The following PREX1 variants were observed in gnomAD, a reference collection of about 807,000 sequenced individuals.
PREX1 encodes the protein phosphatidylinositol-3,4,5-trisphosphate dependent Rac exchange factor 1.
In PREX1, 41 loss-of-function variants were observed where a neutral mutation model predicts 198.3. The observed-to-expected ratio is 0.21, with a 90% CI of 0.16 to 0.27. The LOEUF is 0.27. PREX1 is among the 10% of genes least tolerant of loss of function. The probability of loss-of-function intolerance (pLI) is 1.00; values close to 1 mark genes in which losing one functional copy is unlikely to be tolerated. For synonymous variants in PREX1, 843 were observed against 887.2 expected, an observed-to-expected ratio of 0.95 and a Z score of 0.89; for missense variants, 1,620 against 2,200.7, an observed-to-expected ratio of 0.74 and a Z score of 5.28.
At position 48,654,062 on chromosome 20, in the gene PREX1, G is replaced by A. The variant is rs552612666; in HGVS notation, c.2210-565C>T. 1.2e-4 allele frequency among the ~76,000 whole-genome samples: 19 copies of A among 152,362 alleles called. No individual in the cohort carries two copies. In the South Asian group the frequency reaches 3.9e-3, roughly 32 times the overall value. On this transcript the variant is annotated intron_variant, in intron 19 of 39. Coordinates refer to ENST00000371941, the MANE Select transcript of PREX1 (RefSeq NM_020820.4). ...TGGGGCAATACCAGGCCTGAATGGT[G>A]TGGTGGTGCCAAGTACAGCCCCTGG... is the stretch of plus-strand genomic sequence containing the variant.
chr20:48,882,343 A>C, the PREX1 span, among the ~76,000 whole-genome samples: 1 of 151,738 alleles, frequency 6.6e-6, no homozygotes, highest in Non-Finnish European at 1.5e-5. Flanking sequence ...TCTACTAAAA[A>C]TACAAAAAAT....
chr20:48,679,291 T>C (rs927041545), intron 13 of PREX1, 69 bp downstream of exon 13: 1 of 1,423,052 alleles, frequency 7.0e-7, no homozygotes, highest in Admixed American at 1.8e-5. Context: ...AGAGGTTAAG[T>C]TGCCAGCCCA....
At position 48,735,886 on chromosome 20, in the gene PREX1, G is replaced by A. The variant is rs1040131368; in HGVS notation, c.415-1236C>T. On this transcript the variant is annotated intron_variant, in intron 3 of 39. Transcript: ENST00000371941. ...ATGGGAGTGGGAGGCAAATACCCAG[G>A]GTACAAATTTCAAGCCACAAATCTA... 4.6e-5 allele frequency among the ~76,000 whole-genome samples: 7 copies of A among 152,036 alleles called. No homozygotes were observed. The East Asian group carries it at 1.3e-3, about 29-fold the overall frequency.
intron 26 of PREX1, 65 bp downstream of exon 26, chr20:48,645,786 G>C: frequency 6.5e-7 from 1 of 1,537,968 alleles, no homozygotes; most frequent in Non-Finnish European, 8.9e-7. Flanking sequence ...GTTGCCACGG[G>C]TCCGTGGCCT....
chr20:48,878,443 G>A, the PREX1 span, among the ~76,000 whole-genome samples: 5 of 151,936 alleles, frequency 3.3e-5, no homozygotes, highest in African/African-American at 4.8e-5. Context: ...TGGTTCAAAC[G>A]ATTCTCCTGC....
chr20:48,780,334 G>T (rs2090282899), intron 1 of PREX1, among the ~76,000 whole-genome samples: 1 of 152,242 alleles, frequency 6.6e-6, no homozygotes, highest in Middle Eastern at 3.4e-3. Flanking sequence ...ATGCTCAAAA[G>T]AGACCAGGTG....
chr20:48,751,118 C>A (rs183638330), intron 1 of PREX1, among the ~76,000 whole-genome samples: 5 of 152,210 alleles, frequency 3.3e-5, no homozygotes, highest in Non-Finnish European at 7.3e-5. Flanking sequence ...GTTTGGAATG[C>A]GCCTGGCACA....
intron 30 of PREX1, among the ~76,000 whole-genome samples, chr20:48,638,956 T>C (rs1359177860): frequency 3.3e-5 from 5 of 152,258 alleles, no homozygotes; most frequent in African/African-American, 1.2e-4. Flanking sequence ...ACAGGACAGA[T>C]CAGAAGCAGC....
At chr20:48,800,162 C>T (rs775729228) in intron 1 of PREX1, among the ~76,000 whole-genome samples, 2 of 152,196 alleles carry the variant, frequency 1.3e-5, no homozygotes, top group Non-Finnish European at 2.9e-5. Flanking sequence ...AATCACCCCA[C>T]GTTTTACAAG....
chr20:48,672,290 G>A (rs187979423), intron 14 of PREX1, among the ~76,000 whole-genome samples: 77 of 152,300 alleles, frequency 5.1e-4, no homozygotes, highest in African/African-American at 1.6e-3. Context: ...CACCTGCAAC[G>A]CCCTACTCAC....
rs1239068195 is a variant in PREX1 at position 48,630,709 on chromosome 20, G to A, written c.4593+19C>T. ...CACCCTGCCCAAGCTCCCTGCAGCA[G>A]GAGGGCACGTGGACATACCTGGTCT... On this transcript the variant is annotated intron_variant, in intron 36 of 39. Coordinates refer to ENST00000371941, the MANE Select transcript of PREX1 (RefSeq NM_020820.4). The A allele has an allele frequency of 1.9e-6, 3 of 1,564,376 alleles. No individual in the cohort carries two copies. In the Admixed American group the frequency reaches 5.0e-5, roughly 26 times the overall value.
chr20:48,716,762 C>T (rs1355851605), intron 5 of PREX1, among the ~76,000 whole-genome samples: 1 of 152,164 alleles, frequency 6.6e-6, no homozygotes, highest in Admixed American at 6.5e-5. Flanking sequence ...GGGCCTCAGG[C>T]TGGGACTTCC....
At chr20:48,793,267 A>G (rs2090346686) in intron 1 of PREX1, among the ~76,000 whole-genome samples, 1 of 152,196 alleles carries the variant, frequency 6.6e-6, no homozygotes, top group South Asian at 2.1e-4. Context: ...GGATTGGGGA[A>G]GTGGAATAAT....
intron 1 of PREX1, among the ~76,000 whole-genome samples, chr20:48,761,707 T>C (rs956247745): frequency 9.2e-5 from 14 of 152,174 alleles, no homozygotes; most frequent in African/African-American, 3.4e-4. Flanking sequence ...CAAACTTTCC[T>C]GAGTTCACCA....
intron 5 of PREX1, among the ~76,000 whole-genome samples, chr20:48,722,526 T>C (rs2089990817): frequency 6.6e-6 from 1 of 152,166 alleles, no homozygotes; most frequent in Non-Finnish European, 1.5e-5. Context: ...TCTAAAATTA[T>C]TGTGGTAATG....
At chr20:48,862,659 T>TA in the PREX1 span, among the ~76,000 whole-genome samples, 1 of 150,300 alleles carries the variant, frequency 6.7e-6, no homozygotes, top group African/African-American at 2.5e-5. Flanking sequence ...ACTCTTTTAC[T>TA]AAAAATCAAA....
chr20:48,748,180 C>A (rs1353209359), intron 1 of PREX1, among the ~76,000 whole-genome samples: 1 of 152,130 alleles, frequency 6.6e-6, no homozygotes, highest in Non-Finnish European at 1.5e-5. Context: ...GAACCTTTGG[C>A]CCAAAAAGAT....
intron 1 of PREX1, among the ~76,000 whole-genome samples, chr20:48,766,580 C>T (rs1221759092): frequency 1.3e-5 from 2 of 152,204 alleles, no homozygotes; most frequent in African/African-American, 2.4e-5. Flanking sequence ...ACTCATCTCC[C>T]TCCTGCCAGC....
chr20:48,660,550 G>A (rs1025327650), intron 15 of PREX1, among the ~76,000 whole-genome samples: 9 of 152,150 alleles, frequency 5.9e-5, no homozygotes, highest in African/African-American at 2.2e-4. Flanking sequence ...AAAGACCTAC[G>A]TATGAACAGT....
Sources: allele counts gnomAD v4.1 joint callset (sites outside exome capture counted in the v4.1 genomes callset), GRCh38; gene constraint gnomAD v4.1.1; transcripts MANE v1.5; gene names NCBI Gene and HGNC (gene_info 2026-07-23, HGNC 2026-07-21).